The following YIPF6 variants were observed in gnomAD, a reference collection of about 807,000 sequenced individuals.
YIPF6 encodes the protein protein YIPF6.
A neutral mutation model predicts 16.8 loss-of-function variants in YIPF6; 3 were observed. That is an observed-to-expected ratio of 0.18 (90% CI 0.08 to 0.46). The LOEUF (loss-of-function observed/expected upper bound fraction) is 0.46, where lower values mean the gene tolerates loss of function less well. Ranked by LOEUF, YIPF6 falls within the 20% of genes least tolerant of loss-of-function variation. YIPF6 has a pLI of 0.98. For missense variants in YIPF6, 145 were observed against 184.9 expected, an observed-to-expected ratio of 0.78 and a Z score of 1.25; for synonymous variants, 67 against 61.9, an observed-to-expected ratio of 1.08 and a Z score of -0.38.
chrX:68,518,035 GAGGCCAAGGTAGGC>G (rs1014482103), intron 3 of YIPF6, among the ~76,000 whole-genome samples: 3 of 109,999 alleles, frequency 2.7e-5, no homozygotes, highest in Non-Finnish European at 5.7e-5. Context: ...AGCACTTTGG[GAGGCCAAGGTAGGC>G]AGATCACCTG....
chrX:68,529,127 G>A (rs1402117662), intron 6 of YIPF6, among the ~76,000 whole-genome samples: 1 of 110,797 alleles, frequency 9.0e-6, no homozygotes, highest in African/African-American at 3.3e-5. Context: ...TCAAAGGTAG[G>A]TTTGGTCTTT....
intron 1 of YIPF6, among the ~76,000 whole-genome samples, chrX:68,509,842 G>A (rs945630528): frequency 3.6e-5 from 4 of 111,730 alleles, no homozygotes; most frequent in African/African-American, 9.8e-5. Context: ...TCCTCTAGGG[G>A]CTTTTTTCTA....
At chrX:68,499,600 G>C (rs2079033233) in intron 1 of YIPF6, among the ~76,000 whole-genome samples, 1 of 111,415 alleles carries the variant, frequency 9.0e-6, no homozygotes, top group Non-Finnish European at 1.9e-5. Flanking sequence ...GCAGCTCCTT[G>C]CCATTCTCTT....
In YIPF6 at chrX:68,511,931, G is replaced by A. The variant is rs144278498; in HGVS notation, c.140G>A (p.Arg47Gln). 9 of 1,208,045 alleles carry A rather than the reference G, an allele frequency of 7.5e-6. No individual in the cohort carries two copies. The highest frequency in any genetic ancestry group is 6.6e-5 in the Admixed American group (3 of 45,375). ...EITIPMRSRI[R>Q]EFDSSTLNES... ...ACCATTCCTATGAGATCTCGCATCC[G>A]GGAGTTTGACAGCTCCACATTAAAT... The change falls in exon 2 of 7, where the codon CGG (arginine) becomes CAG (glutamine). Residue 47 changes from arginine (R) to glutamine (Q), a missense_variant. Transcript: ENST00000462683.
intron 3 of YIPF6, among the ~76,000 whole-genome samples, chrX:68,517,915 A>G (rs1056528729): frequency 5.6e-5 from 6 of 106,866 alleles, no homozygotes; most frequent in Non-Finnish European, 1.2e-4. Flanking sequence ...GCAGTGAGCC[A>G]TGATCGCACC....
intron 6 of YIPF6, among the ~76,000 whole-genome samples, chrX:68,528,732 C>T (rs891249848): frequency 1.8e-5 from 2 of 111,291 alleles, no homozygotes; most frequent in African/African-American, 6.5e-5. Flanking sequence ...ATTTCTCCTT[C>T]ACTTATGAAG....
chrX:68,529,150 A>G (rs941220690), intron 6 of YIPF6, among the ~76,000 whole-genome samples: 1 of 110,424 alleles, frequency 9.1e-6, no homozygotes, highest in Non-Finnish European at 1.9e-5. Context: ...ACATAGTCCC[A>G]TATTTCTTGG....
intron 1 of YIPF6, among the ~76,000 whole-genome samples, chrX:68,510,484 T>TA (rs1295637931): frequency 8.3e-4 from 91 of 109,817 alleles, no homozygotes; most frequent in Non-Finnish European, 1.5e-3. Flanking sequence ...AAGAAACCTT[T>TA]AAAAAAAAAT....
At chrX:68,531,055 C>T (rs1362578806) in intron 6 of YIPF6, among the ~76,000 whole-genome samples, 1 of 111,314 alleles carries the variant, frequency 9.0e-6, no homozygotes, top group African/African-American at 3.3e-5. Context: ...CCTCAGCCTC[C>T]CGAGTAGCCG....
chrX:68,529,078 A>G (rs1308156104), intron 6 of YIPF6, among the ~76,000 whole-genome samples: 4 of 111,198 alleles, frequency 3.6e-5, no homozygotes, highest in Non-Finnish European at 7.5e-5. Context: ...GTGTTTTCCA[A>G]CTTGGTTCCA....
intron 3 of YIPF6, among the ~76,000 whole-genome samples, chrX:68,518,076 A>G (rs368127368): frequency 9.0e-6 from 1 of 110,561 alleles, no homozygotes; most frequent in Non-Finnish European, 1.9e-5. Flanking sequence ...GTTCGAAATC[A>G]TGCTGGCCAA....
rs186791465 is a variant in YIPF6 at position 68,536,234 on chromosome X, C to G, written c.*4235C>G. The stretch of plus-strand genomic sequence containing the variant: ...GTCTGTCAGCAGTCAGTTCCATTCC[C>G]CCTTCATCCCAGCCTCTGGCAACCA... On this transcript the variant is annotated 3_prime_UTR_variant, in exon 7 of 7. Coordinates refer to ENST00000462683, the MANE Select transcript of YIPF6 (RefSeq NM_173834.4). 9.5e-4 allele frequency: 106 copies of G among 111,278 alleles called. No individual in the cohort carries two copies. The highest frequency in any genetic ancestry group is 3.3e-3 in the African/African-American group (102 of 30,659). 9.2% of individuals were successfully genotyped at this position (111,278 alleles called of 1,213,427 possible). A position where few individuals can be genotyped will look rare whatever the true frequency, so the allele number is the denominator to read the frequency against.
At chrX:68,518,164 C>T (rs1201681929) in intron 3 of YIPF6, among the ~76,000 whole-genome samples, 29 of 106,079 alleles carry the variant, frequency 2.7e-4, no homozygotes, top group African/African-American at 9.0e-4. Flanking sequence ...CCCAGCTACT[C>T]GGGAGGCTGA....
intron 1 of YIPF6, among the ~76,000 whole-genome samples, chrX:68,505,299 A>G (rs1039028479): frequency 5.4e-5 from 6 of 111,004 alleles, no homozygotes; most frequent in Non-Finnish European, 9.4e-5. Context: ...AATCCCAACT[A>G]CTAGGGGGGC....
chrX:68,518,079 C>T (rs1029256252), intron 3 of YIPF6, among the ~76,000 whole-genome samples: 3 of 110,418 alleles, frequency 2.7e-5, no homozygotes, highest in African/African-American at 9.9e-5. Context: ...CGAAATCATG[C>T]TGGCCAACAT....
rs1281421924 is a variant in YIPF6 at position 68,534,564 on chromosome X, T to G, written c.*2565T>G. 1 of 111,832 alleles carries G rather than the reference T, an allele frequency of 8.9e-6. No individual in the cohort carries two copies. The highest frequency in any genetic ancestry group is 2.8e-4 in the East Asian group (1 of 3,601). The allele number at this position is 111,832 out of a possible 1,213,427, so 9.2% of individuals were successfully genotyped here. ...TTTATGTAAATTAGCGCTGGCAATTTTTTTTTTTCTAAACAGGAAAAGGGT... is the reference window on the plus strand; with the variant it reads ...TTTATGTAAATTAGCGCTGGCAATTGTTTTTTTTCTAAACAGGAAAAGGGT... On this transcript the variant is annotated 3_prime_UTR_variant, in exon 7 of 7. Coordinates refer to ENST00000462683, the MANE Select transcript of YIPF6 (RefSeq NM_173834.4).
In YIPF6 at chrX:68,531,934, G is replaced by A. The variant is rs374048254; in HGVS notation, c.646G>A (p.Val216Ile). Reference sequence around the variant, plus strand: ...GCCTCCAAACCGCAGAGCCCTAGCTGTTTATCCTGTTTTCCTGTTTTACTT... The same window carrying A: ...GCCTCCAAACCGCAGAGCCCTAGCTATTTATCCTGTTTTCCTGTTTTACTT... ...SQPPNRRALA[V>I]YPVFLFYFVI... is the part of the protein sequence containing the mutation. Residue 216 changes from valine (V) to isoleucine (I), a missense_variant, in exon 7 of 7, where the codon GTT becomes ATT. Coordinates refer to ENST00000462683, the MANE Select transcript of YIPF6 (RefSeq NM_173834.4). 1 of 1,203,108 alleles carries A rather than the reference G, an allele frequency of 8.3e-7. No individual in the cohort carries two copies. Among genetic ancestry groups the A allele is most frequent in the Non-Finnish European group, 1.1e-6 (1 of 890,226 alleles).
chrX:68,513,814 C>G (rs1160207694), intron 3 of YIPF6: 1 of 110,693 alleles, frequency 9.0e-6, no homozygotes, highest in African/African-American at 3.3e-5. Flanking sequence ...GTTTCCAACT[C>G]CCGATCTCAG....
chrX:68,534,163 A>T lies in YIPF6; in HGVS notation c.*2164A>T, dbSNP rs188279318. On this transcript the variant is annotated 3_prime_UTR_variant, in exon 7 of 7. Transcript: ENST00000462683. ...GAGAATACTCGCCAGTGGCGCTTGC[A>T]GTTGTAGCATTTACCCCAAGATAAC... is the stretch of plus-strand genomic sequence containing the variant. The T allele has an allele frequency of 1.8e-5, 2 of 112,002 alleles. No homozygotes were observed. The highest frequency in any genetic ancestry group is 3.8e-5 in the Non-Finnish European group (2 of 53,123). The allele number at this position is 112,002 out of a possible 1,213,427, so 9.2% of individuals were successfully genotyped here.
Sources: gnomAD v4.1 joint callset for allele counts (sites outside exome capture counted in the v4.1 genomes callset) on GRCh38, gnomAD v4.1.1 for gene constraint, MANE v1.5 for transcripts, NCBI Gene and HGNC (gene_info 2026-07-23, HGNC 2026-07-21) for gene names.